Variants in DHX33 observed in about 807,000 individuals in gnomAD.
DHX33 encodes ATP-dependent RNA helicase DHX33.
Under a neutral mutation model 72.5 loss-of-function variants are expected in DHX33, and 42 were observed. The observed-to-expected ratio is 0.58, with a 90% CI of 0.45 to 0.75. The LOEUF (loss-of-function observed/expected upper bound fraction) is 0.75. DHX33 is among the 30% of genes least tolerant of loss of function. The pLI is 0.00. For missense variants in DHX33, 842 were observed against 917.5 expected (o/e 0.92, Z 1.06); for synonymous variants, 358 against 366.1 (o/e 0.98, Z 0.25).
chr17:5,461,522 G>A (rs572313980), intron 3 of DHX33, among the ~76,000 whole-genome samples: 6 of 151,934 alleles, frequency 3.9e-5, no homozygotes, highest in South Asian at 4.2e-4. Flanking sequence ...GGGAGGCTGA[G>A]GTAAGCAATG....
Position 5,450,245 on chromosome 17 carries a change from C to G in DHX33, c.1686G>C (p.Leu562=), listed in dbSNP as rs1048093045. The G allele has an allele frequency of 3.7e-6, 6 of 1,614,080 alleles. No individual in the cohort carries two copies. In the African/African-American group the frequency reaches 8.0e-5, roughly 22 times the overall value. ...TTTTGAAGGTCCGATAGATATTGAGCAGGGTCATGTGATCCCCCTCGCTGG... is the reference window on the plus strand; with the variant it reads ...TTTTGAAGGTCCGATAGATATTGAGGAGGGTCATGTGATCCCCCTCGCTGG... ...FISSEGDHMT[L]LNIYRTFKNL... Residue 562 remains leucine (L), a synonymous_variant, in exon 10 of 12, where the codon CTG becomes CTC. Coordinates refer to ENST00000225296, the MANE Select transcript of DHX33 (RefSeq NM_020162.4).
At chr17:5,454,952 C>A (rs1917123117) in intron 6 of DHX33, among the ~76,000 whole-genome samples, 1 of 152,236 alleles carries the variant, frequency 6.6e-6, no homozygotes, top group African/African-American at 2.4e-5. Context: ...TCAACCTGGG[C>A]TCTTCTTTCC....
rs750735263 is a variant in DHX33 at position 5,468,678 on chromosome 17, C to T, written c.182G>A (p.Ser61Asn). 17 of 1,612,502 alleles carry T rather than the reference C, an allele frequency of 1.1e-5. No homozygotes were observed. The highest frequency in any genetic ancestry group is 3.3e-4 in the Middle Eastern group (2 of 5,996). Reference sequence around the variant, plus strand: ...CAGCTCCACAGCTTCAGGGTAGGGACTGGCCGAGGGCTGGGCCAGGGGCGG... The same window carrying T: ...CAGCTCCACAGCTTCAGGGTAGGGATTGGCCGAGGGCTGGGCCAGGGGCGG... The part of the protein sequence containing the change: ...QQPPLAQPSA[S>N]PYPEAVELQR... Residue 61 changes from serine to asparagine, a missense_variant, in exon 1 of 12, where the codon AGT becomes AAT. By Grantham distance (46) the Ser-to-Asn change is conservative. Coordinates refer to ENST00000225296, the MANE Select transcript of DHX33 (RefSeq NM_020162.4).
In DHX33 at chr17:5,453,574, A is replaced by T; in HGVS notation, c.1396+6T>A. 6.2e-7 allele frequency: 1 copy of T among 1,613,940 alleles called. No homozygotes were observed. The highest frequency in any genetic ancestry group is 8.5e-7 in the Non-Finnish European group (1 of 1,179,840). ...CACCTTCTGCAAAACTGTGGATTTCACTTACCTGGAGATGGCTTCGACATG... is the reference window on the plus strand; with the variant it reads ...CACCTTCTGCAAAACTGTGGATTTCTCTTACCTGGAGATGGCTTCGACATG... On this transcript the variant is annotated splice_donor_region_variant and intron_variant, in intron 8 of 11. Coordinates refer to ENST00000225296, the MANE Select transcript of DHX33 (RefSeq NM_020162.4).
intron 11 of DHX33, 90 bp downstream of exon 11, chr17:5,448,719 T>C (rs1275551223): frequency 1.1e-6 from 1 of 893,122 alleles, no homozygotes; most frequent in Non-Finnish European, 1.6e-6. Context: ...GAAATCCTTT[T>C]ATAATCACTA....
At chr17:5,466,149 C>T (rs978140161) in intron 1 of DHX33, among the ~76,000 whole-genome samples, 2 of 152,082 alleles carry the variant, frequency 1.3e-5, no homozygotes, top group Admixed American at 1.3e-4. Flanking sequence ...AAGTCAAAAT[C>T]GTACAGTAGA....
At chr17:5,451,561 A>C (rs988488682) in intron 8 of DHX33, among the ~76,000 whole-genome samples, 2 of 152,236 alleles carry the variant, frequency 1.3e-5, no homozygotes, top group Non-Finnish European at 2.9e-5. Flanking sequence ...AACCAAACAC[A>C]TAACAGTGGA....
chr17:5,457,175 G>A (rs1325848231), intron 4 of DHX33, among the ~76,000 whole-genome samples: 2 of 152,148 alleles, frequency 1.3e-5, no homozygotes, highest in African/African-American at 4.8e-5. Context: ...AGGCGTGGTG[G>A]CGCACGCCTG....
At position 5,468,605 on chromosome 17, in the gene DHX33, G is replaced by C. The variant is rs757006439; in HGVS notation, c.255C>G (p.Ala85=). Residue 85 remains alanine, a synonymous_variant, in exon 1 of 12, where the codon GCC becomes GCG. Transcript: ENST00000225296. ...CCGCGTTGTCCAGGTTTCGGAGCTG[G>C]GCCAACAGTTGCCCCCGCGCTTGGA... is the stretch of plus-strand genomic sequence containing the variant. ...PIFQARGQLL[A]QLRNLDNAVL... The C allele has an allele frequency of 1.1e-5, 18 of 1,609,576 alleles. No individual in the cohort carries two copies. Among genetic ancestry groups the C allele is most frequent in the Non-Finnish European group, 1.3e-5 (15 of 1,178,836 alleles).
chr17:5,468,238 CT>C (rs1245432741), intron 1 of DHX33, among the ~76,000 whole-genome samples: 17 of 152,332 alleles, frequency 1.1e-4, no homozygotes, highest in Middle Eastern at 3.4e-3. Flanking sequence ...CTAGAATGCC[CT>C]CCCTCCCACA....
Position 5,461,035 on chromosome 17 carries a change from TAG to T in DHX33, c.751_752del (p.Leu251ArgfsTer18). 1 of 1,613,462 alleles carries T rather than the reference TAG, an allele frequency of 6.2e-7. No homozygotes were observed. Among genetic ancestry groups the T allele is most frequent in the South Asian group, 1.1e-5 (1 of 90,952 alleles). ...QYFNGAPVLYLEGRQHPIQVF... is the reference protein window; with the variant it reads ...QYFNGAPVLYXEGRQHPIQVF... ...CCTGGATCGGATGCTGCCGACCCTCTAGGTAGAGGACGGGGGCGCCATTGAAA... is the reference window on the plus strand; with the variant it reads ...CCTGGATCGGATGCTGCCGACCCTCTGTAGAGGACGGGGGCGCCATTGAAA... On this transcript the variant is annotated frameshift_variant, in exon 4 of 12. Coordinates refer to ENST00000225296, the MANE Select transcript of DHX33 (RefSeq NM_020162.4). LOFTEE classifies it high-confidence loss of function.
At position 5,444,628 on chromosome 17, in the gene DHX33, G is replaced by T; in HGVS notation, c.1816-115C>A. ...GGGGCAAAAGCAGCCCACATTGTGA[G>T]CCTAACGATGTGGATTCTGACATTC... On this transcript the variant is annotated intron_variant, in intron 11 of 11. Coordinates refer to ENST00000225296, the MANE Select transcript of DHX33 (RefSeq NM_020162.4). This position sits in a 1 kb window ranked among gnomAD's most constrained non-coding sequence, Gnocchi z 4.9. 9.2e-7 allele frequency: 1 copy of T among 1,083,506 alleles called. No individual in the cohort carries two copies. Among genetic ancestry groups the T allele is most frequent in the Non-Finnish European group, 1.3e-6 (1 of 762,692 alleles). The allele number at this position is 1,083,506 out of a possible 1,614,324, so 67.1% of individuals were successfully genotyped here.
At position 5,443,862 on chromosome 17, in the gene DHX33, T is replaced by C. The variant is rs1408583573; in HGVS notation, c.*343A>G. On this transcript the variant is annotated 3_prime_UTR_variant, in exon 12 of 12. Coordinates refer to ENST00000225296, the MANE Select transcript of DHX33 (RefSeq NM_020162.4). ...TGCTCCAGGCATAGTTCTGGGTACT[T>C]TCCATTCCTTTTCTCTAAACTTTAT... 4.0e-6 allele frequency: 1 copy of C among 247,074 alleles called. No individual in the cohort carries two copies. The highest frequency in any genetic ancestry group is 2.2e-5 in the African/African-American group (1 of 44,600). The allele number at this position is 247,074 out of a possible 1,614,324, so 15.3% of individuals were successfully genotyped here.
chr17:5,465,178 C>T (rs1904821154), intron 1 of DHX33, among the ~76,000 whole-genome samples: 1 of 152,150 alleles, frequency 6.6e-6, no homozygotes, highest in African/African-American at 2.4e-5. Flanking sequence ...ACTCAGTAAA[C>T]CTGCGCTTCC....
chr17:5,461,982 C>G (rs1216924668), intron 3 of DHX33, among the ~76,000 whole-genome samples: 1 of 150,050 alleles, frequency 6.7e-6, no homozygotes, highest in East Asian at 2.0e-4. Context: ...CTCTGTCACC[C>G]AGGCTGGAGT....
At chr17:5,451,744 A>C (rs936586052) in intron 8 of DHX33, among the ~76,000 whole-genome samples, 52 of 152,242 alleles carry the variant, frequency 3.4e-4, no homozygotes, top group Non-Finnish European at 2.1e-4. Context: ...CATCCCAATA[A>C]GGAGTGATCT....
Position 5,450,534 on chromosome 17 carries a change from C to A in DHX33, c.1525-128G>T. The stretch of plus-strand genomic sequence containing the variant: ...AGGGCAGGTATTTCTAAAACCATGG[C>A]GATGTACATTAGTGTTATTTCACTC... On this transcript the variant is annotated intron_variant, in intron 9 of 11. Coordinates refer to ENST00000225296, the MANE Select transcript of DHX33 (RefSeq NM_020162.4). 1 of 1,038,608 alleles carries A rather than the reference C, an allele frequency of 9.6e-7. No homozygotes were observed. The highest frequency in any genetic ancestry group is 1.4e-6 in the Non-Finnish European group (1 of 715,822). The allele number at this position is 1,038,608 out of a possible 1,614,324, so 64.3% of individuals were successfully genotyped here. A position where few individuals can be genotyped will look rare whatever the true frequency, so the allele number is the denominator to read the frequency against.
Position 5,468,838 on chromosome 17 carries a change from G to A in DHX33, c.22C>T (p.Pro8Ser), listed in dbSNP as rs1040698110. Residue 8 changes from proline to serine, a missense_variant, in exon 1 of 12, where the codon CCG (proline) becomes TCG (serine). Transcript: ENST00000225296. MPEEAGFPPAKRFRPGSG... is the reference protein window; with the variant it reads MPEEAGFSPAKRFRPGSG... Reference sequence around the variant, plus strand: ...CCTGGCCGGAATCTCTTGGCCGGCGGGAAGCCCGCCTCCTCCGGCATGTCG... The same window carrying A: ...CCTGGCCGGAATCTCTTGGCCGGCGAGAAGCCCGCCTCCTCCGGCATGTCG... The A allele has an allele frequency of 6.4e-7, 1 of 1,563,412 alleles. No individual in the cohort carries two copies. Among genetic ancestry groups the A allele is most frequent in the East Asian group, 2.4e-5 (1 of 41,972 alleles).
rs75098076 is a variant in DHX33, at chr17:5,446,920, A to G, written c.1815+1889T>C. Among the ~76,000 whole-genome samples the G allele has an allele frequency of 3.9e-3, 588 of 152,372 alleles. 7 individuals are homozygous for G. Among genetic ancestry groups the G allele is most frequent in the African/African-American group, 0.013 (553 of 41,582 alleles). On this transcript the variant is annotated intron_variant, in intron 11 of 11. Transcript: ENST00000225296. ...AAAAATGTGTGAAAGACAGAATACA[A>G]TAGGCTACTATGAGAAGAAACAGCT...
Sources: allele counts gnomAD v4.1 joint callset (sites outside exome capture counted in the v4.1 genomes callset), GRCh38; gene constraint gnomAD v4.1.1; non-coding constraint Gnocchi (gnomAD v3.1); transcripts MANE v1.5; gene names NCBI Gene and HGNC (gene_info 2026-07-23, HGNC 2026-07-21).